The following NBAS variants were observed in gnomAD, a reference collection of about 807,000 sequenced individuals.
NBAS encodes NAG/BC035112 fusion.
A neutral mutation model predicts 302.5 loss-of-function variants in NBAS; 219 were observed. The ratio of observed to expected loss-of-function variants is 0.72; its 90% CI spans 0.65 to 0.81. The LOEUF is 0.81. Ranked by LOEUF, NBAS falls within the 30% of genes least tolerant of loss-of-function variation. The pLI, the probability that NBAS is intolerant of heterozygous loss-of-function variation, is 0.00. For synonymous variants in NBAS, 1,118 were observed against 1,021.6 expected, an observed-to-expected ratio of 1.09 and a Z score of -1.80; for missense variants, 2,932 against 2,841.6, an observed-to-expected ratio of 1.03 and a Z score of -0.72.
intron 40 of NBAS, among the ~76,000 whole-genome samples, chr2:15,301,925 G>C (rs1032899146): frequency 2.0e-5 from 3 of 152,206 alleles, no homozygotes; most frequent in Admixed American, 2.0e-4. Context: ...GAGCATGCTG[G>C]GGCAACGGGA....
chr2:15,240,549 G>A (rs572766314), intron 44 of NBAS, among the ~76,000 whole-genome samples: 39 of 152,010 alleles, frequency 2.6e-4, no homozygotes, highest in Middle Eastern at 3.4e-3. Flanking sequence ...CCCGGCAGGC[G>A]GAGGCTGCAG....
chr2:14,955,937 A>G, the NBAS span, among the ~76,000 whole-genome samples: 3 of 152,168 alleles, frequency 2.0e-5, no homozygotes, highest in African/African-American at 4.8e-5. Context: ...TACTTATGCA[A>G]ATTTCTGCAG....
At chr2:15,038,962 G>A in the NBAS span, among the ~76,000 whole-genome samples, 2 of 152,210 alleles carry the variant, frequency 1.3e-5, no homozygotes, top group Non-Finnish European at 2.9e-5. Context: ...CGTTGGCCTA[G>A]TGGTAAATCC....
At chr2:14,801,495 T>C in the NBAS span, among the ~76,000 whole-genome samples, 43 of 152,256 alleles carry the variant, frequency 2.8e-4, no homozygotes, top group Non-Finnish European at 3.8e-4. Context: ...TTCTAGAAAT[T>C]TGTGTTTTTT....
the NBAS span, among the ~76,000 whole-genome samples, chr2:15,077,269 A>G: frequency 6.6e-6 from 1 of 152,210 alleles, no homozygotes; most frequent in Non-Finnish European, 1.5e-5. Context: ...CTATCACAAG[A>G]ACAGCATGGG....
chr2:14,841,426 T>C, the NBAS span, among the ~76,000 whole-genome samples: 1 of 147,786 alleles, frequency 6.8e-6, no homozygotes, highest in Non-Finnish European at 1.5e-5. Context: ...CCTACAGGAA[T>C]CCCACTTCAC....
chr2:15,400,027 G>A (rs1359626323), intron 26 of NBAS, among the ~76,000 whole-genome samples: 3 of 152,044 alleles, frequency 2.0e-5, no homozygotes, highest in African/African-American at 7.2e-5. Flanking sequence ...GGCAATCTTT[G>A]ACAGGAAGCT....
chr2:15,504,614 A>G (rs951549904), intron 10 of NBAS, among the ~76,000 whole-genome samples: 3 of 152,308 alleles, frequency 2.0e-5, no homozygotes, highest in African/African-American at 7.2e-5. Flanking sequence ...AAACACCAAA[A>G]AAGACTTCAT....
the NBAS span, among the ~76,000 whole-genome samples, chr2:14,935,268 G>A: frequency 6.6e-6 from 1 of 151,924 alleles, no homozygotes; most frequent in Admixed American, 6.6e-5. Context: ...TCGGTTTTTA[G>A]TTCTACCCAC....
intron 1 of NBAS, among the ~76,000 whole-genome samples, chr2:15,560,423 T>C (rs1664856912): frequency 1.3e-5 from 2 of 152,114 alleles, no homozygotes; most frequent in Admixed American, 1.3e-4. Context: ...AGCAGCTCTT[T>C]ACTCTGCACT....
the NBAS span, among the ~76,000 whole-genome samples, chr2:14,965,141 A>G: frequency 3.1e-3 from 475 of 152,256 alleles, 3 homozygotes; most frequent in Middle Eastern, 0.017. Flanking sequence ...ATGATGAACA[A>G]ATTAAGTGCA....
chr2:14,945,504 CTTTAGT>C, the NBAS span, among the ~76,000 whole-genome samples: 1 of 152,094 alleles, frequency 6.6e-6, no homozygotes, highest in African/African-American at 2.4e-5. Context: ...GAATTCAAAA[CTTTAGT>C]TTTAAAGAAA....
the NBAS span, among the ~76,000 whole-genome samples, chr2:14,912,979 A>G: frequency 6.6e-6 from 1 of 152,360 alleles, no homozygotes; most frequent in Middle Eastern, 3.4e-3. Flanking sequence ...TTCGGAAATC[A>G]GGTTAATATG....
intron 6 of NBAS, among the ~76,000 whole-genome samples, chr2:15,544,441 A>G (rs1192635556): frequency 6.6e-6 from 1 of 152,120 alleles, no homozygotes; most frequent in Non-Finnish European, 1.5e-5. Context: ...TCTCTATGGG[A>G]AAAGATGCCA....
chr2:14,873,557 A>G, the NBAS span, among the ~76,000 whole-genome samples: 1 of 152,138 alleles, frequency 6.6e-6, no homozygotes, highest in Non-Finnish European at 1.5e-5. Context: ...ATACCAGGAT[A>G]GACTATGTGA....
the NBAS span, among the ~76,000 whole-genome samples, chr2:15,036,944 A>G: frequency 2.0e-5 from 3 of 152,178 alleles, no homozygotes; most frequent in Non-Finnish European, 4.4e-5. Context: ...CAAGCCAGGA[A>G]GGTTCTAGAA....
chr2:15,164,940 T>A (rs935832503), downstream of NBAS, among the ~76,000 whole-genome samples: 7 of 152,194 alleles, frequency 4.6e-5, no homozygotes, highest in Non-Finnish European at 1.0e-4. Flanking sequence ...CCCTTCCTCA[T>A]AAGCATTGTG....
chr2:15,374,732 T>G lies in NBAS; in HGVS notation c.3591-12A>C. 1 of 1,606,964 alleles carries G rather than the reference T, an allele frequency of 6.2e-7. No individual in the cohort carries two copies. The highest frequency in any genetic ancestry group is 1.7e-5 in the Admixed American group (1 of 59,962). On this transcript the variant is annotated splice_polypyrimidine_tract_variant and intron_variant, in intron 30 of 51. Coordinates refer to ENST00000281513, the MANE Select transcript of NBAS (RefSeq NM_015909.4). ...GTTGTAAGCAGCACCTAGAAGAAAT[T>G]AGATAAATTTTTAAAAAGAAGCAAC...
At chr2:15,447,912 G>A (rs1352452080) in intron 21 of NBAS, among the ~76,000 whole-genome samples, 1 of 152,188 alleles carries the variant, frequency 6.6e-6, no homozygotes, top group Non-Finnish European at 1.5e-5. Context: ...GGTTTCTGGT[G>A]AGGGCCCAGT....
Sources: gnomAD v4.1 joint callset for allele counts (sites outside exome capture counted in the v4.1 genomes callset) on GRCh38, gnomAD v4.1.1 for gene constraint, MANE v1.5 for transcripts, NCBI Gene and HGNC (gene_info 2026-07-23, HGNC 2026-07-21) for gene names.